Variants in C13orf42 observed in about 807,000 individuals in gnomAD.
The protein encoded by C13orf42 is chromosome 13 open reading frame 42.
chr13:51,153,634 T>TC (rs1953801732), intron 1 of C13orf42, among the ~76,000 whole-genome samples: 1 of 127,786 alleles, frequency 7.8e-6, no homozygotes, highest in South Asian at 3.0e-4. Context: ...TTTTTTCTTT[T>TC]TTTTTTTTTT....
intron 1 of C13orf42, among the ~76,000 whole-genome samples, chr13:51,121,824 C>T (rs914349709): frequency 2.0e-5 from 3 of 152,022 alleles, no homozygotes; most frequent in Admixed American, 6.6e-5. Flanking sequence ...CGTGAGCCAC[C>T]GCAACTGGCC....
At chr13:51,092,420 T>A (rs185535410) in intron 1 of C13orf42, among the ~76,000 whole-genome samples, 1 of 152,324 alleles carries the variant, frequency 6.6e-6, no homozygotes. Flanking sequence ...CAATATCTCA[T>A]CTAAAATTTC....
chr13:51,099,987 T>C (rs1338484944), intron 1 of C13orf42, among the ~76,000 whole-genome samples: 2 of 152,144 alleles, frequency 1.3e-5, no homozygotes, highest in Non-Finnish European at 1.5e-5. Context: ...TAGTGTAAAA[T>C]CTTCACATAC....
intron 1 of C13orf42, among the ~76,000 whole-genome samples, chr13:51,117,977 G>A (rs972594051): frequency 1.3e-5 from 2 of 152,136 alleles, no homozygotes; most frequent in African/African-American, 4.8e-5. Flanking sequence ...TAGAAAAATG[G>A]GAAGGAAAAG....
At chr13:51,124,953 T>G (rs1179253508) in intron 1 of C13orf42, among the ~76,000 whole-genome samples, 1 of 137,740 alleles carries the variant, frequency 7.3e-6, no homozygotes, top group African/African-American at 3.5e-5. Context: ...TAAATGAATT[T>G]TTTTTTCCTT....
At chr13:51,131,473 T>TA (rs1312947234) in intron 1 of C13orf42, among the ~76,000 whole-genome samples, 5 of 152,186 alleles carry the variant, frequency 3.3e-5, no homozygotes, top group Non-Finnish European at 7.4e-5. Context: ...CTGTGGTAAG[T>TA]AAAGAATGTC....
chr13:51,129,732 A>G (rs2148528), intron 1 of C13orf42, among the ~76,000 whole-genome samples: 46,496 of 152,018 alleles, frequency 0.31, 7,445 homozygotes, highest in South Asian at 0.42. Flanking sequence ...CTTAAGCTGT[A>G]GTGAATCTGG....
At chr13:51,147,728 C>CAAAAAAAAACAAACA (rs1042760237) in intron 1 of C13orf42, among the ~76,000 whole-genome samples, 17 of 25,938 alleles carry the variant, frequency 6.6e-4, no homozygotes, top group Middle Eastern at 0.019. Context: ...GACTGTGTCT[C>CAAAAAAAAACAAACA]AAAAAAAAAC....
intron 1 of C13orf42, among the ~76,000 whole-genome samples, chr13:51,145,153 T>C (rs975485095): frequency 1.7e-4 from 26 of 152,220 alleles, no homozygotes; most frequent in Admixed American, 4.6e-4. Context: ...CTCTTTTTCA[T>C]TTTTCCTAAT....
At chr13:51,138,878 CAT>C (rs1953676856) in intron 1 of C13orf42, among the ~76,000 whole-genome samples, 1 of 152,124 alleles carries the variant, frequency 6.6e-6, no homozygotes. Context: ...TATATATACA[CAT>C]ATATATGTCA....
chr13:51,150,897 T>C (rs1416675949), intron 1 of C13orf42, among the ~76,000 whole-genome samples: 1 of 152,130 alleles, frequency 6.6e-6, no homozygotes, highest in Admixed American at 6.5e-5. Flanking sequence ...ATGCCAGAAG[T>C]CAGAAATAAT....
upstream of C13orf42, among the ~76,000 whole-genome samples, chr13:51,113,524 G>C (rs1485721821): frequency 6.6e-6 from 1 of 152,122 alleles, no homozygotes; most frequent in Non-Finnish European, 1.5e-5. Flanking sequence ...TCAGCTATAA[G>C]AAACGGGTGT....
intron 1 of C13orf42, among the ~76,000 whole-genome samples, chr13:51,124,441 G>C (rs142487751): frequency 2.0e-5 from 3 of 152,296 alleles, no homozygotes; most frequent in Non-Finnish European, 4.4e-5. Flanking sequence ...ACATAATGAG[G>C]AGGTAAATGT....
upstream of C13orf42, among the ~76,000 whole-genome samples, chr13:51,111,829 C>A (rs1005709776): frequency 6.6e-6 from 1 of 152,006 alleles, no homozygotes; most frequent in Non-Finnish European, 1.5e-5. Context: ...CAGATCCCCC[C>A]GATAAGCTGG....
chr13:51,094,322 A>G (rs1953210716), intron 1 of C13orf42, among the ~76,000 whole-genome samples: 1 of 152,236 alleles, frequency 6.6e-6, no homozygotes, highest in Non-Finnish European at 1.5e-5. Context: ...AGTGCAATAA[A>G]TGAGGAAATA....
rs148494124 is a variant in C13orf42 at position 51,125,245 on chromosome 13, C to T, written n.137-12023G>A. 8.9e-3 allele frequency among the ~76,000 whole-genome samples: 1,359 copies of T among 152,286 alleles called. 19 individuals carry two copies. Among genetic ancestry groups the T allele is most frequent in the African/African-American group, 0.029 (1,198 of 41,542 alleles). On this transcript the variant is annotated intron_variant and non_coding_transcript_variant, in intron 1 of 4. Transcript: ENST00000433280. ...CAAGGTTTGCAGGAAGATTGGCAAA[C>T]GTGTCTATCCTGACCTATAATTGCA...
chr13:51,150,794 G>C (rs988688042), intron 1 of C13orf42, among the ~76,000 whole-genome samples: 6 of 152,218 alleles, frequency 3.9e-5, no homozygotes, highest in Admixed American at 3.9e-4. Flanking sequence ...AGCTGCATTA[G>C]CACTTGCTGA....
chr13:51,151,551 G>T (rs548696265), intron 1 of C13orf42, among the ~76,000 whole-genome samples: 76 of 152,324 alleles, frequency 5.0e-4, no homozygotes, highest in Non-Finnish European at 9.8e-4. Context: ...GTGATGATTT[G>T]TTCCAGCAGT....
intron 1 of C13orf42, among the ~76,000 whole-genome samples, chr13:51,125,895 C>T (rs933846979): frequency 6.6e-5 from 10 of 152,196 alleles, no homozygotes; most frequent in African/African-American, 2.2e-4. Flanking sequence ...TGTTTTCTCT[C>T]ATTTGGCTGA....
Sources: allele counts gnomAD v4.1 joint callset (sites outside exome capture counted in the v4.1 genomes callset), GRCh38; gene constraint gnomAD v4.1.1; transcripts MANE v1.5; gene names NCBI Gene and HGNC (gene_info 2026-07-23, HGNC 2026-07-21).